Variants in PIK3C2A observed in about 807,000 individuals in gnomAD.
The protein encoded by PIK3C2A is phosphatidylinositol 4-phosphate 3-kinase C2 domain-containing subunit alpha.
PIK3C2A carries 97 observed loss-of-function variants against 204.5 expected under a neutral mutation model. The observed-to-expected ratio is 0.47, with a 90% CI of 0.40 to 0.56. The LOEUF is 0.56. PIK3C2A is among the 20% of genes least tolerant of loss of function. The probability of loss-of-function intolerance (pLI) is 0.00; values close to 1 mark genes in which losing one functional copy is unlikely to be tolerated. For missense variants in PIK3C2A, 1,735 were observed against 1,969.2 expected (o/e 0.88, Z 2.25); for synonymous variants, 653 against 664.4 (o/e 0.98, Z 0.26).
intron 1 of PIK3C2A, among the ~76,000 whole-genome samples, chr11:17,171,372 T>C (rs1431274975): frequency 6.6e-6 from 1 of 152,164 alleles, no homozygotes; most frequent in Non-Finnish European, 1.5e-5. Flanking sequence ...TCTTTCTTTC[T>C]AGCAAACACA....
chr11:17,119,987 T>G lies in PIK3C2A; in HGVS notation c.2658-13A>C, dbSNP rs752285183. ...TTCTTTAGAAAGTCTGCATATATAA[T>G]AGAATTAAATTACTTCTCAGTGATA... On this transcript the variant is annotated splice_polypyrimidine_tract_variant and intron_variant, in intron 15 of 32. Coordinates refer to ENST00000691414, the MANE Select transcript of PIK3C2A (RefSeq NM_002645.4). 8.3e-7 allele frequency: 1 copy of G among 1,209,012 alleles called. No homozygotes were observed. Among genetic ancestry groups the G allele is most frequent in the Admixed American group, 2.2e-5 (1 of 44,794 alleles). The allele number at this position is 1,209,012 out of a possible 1,614,324, so 74.9% of individuals were successfully genotyped here.
chr11:17,089,880 C>T lies in PIK3C2A; in HGVS notation c.4919G>A (p.Arg1640Gln), dbSNP rs370271506. ...ACTGAGTACACTTAGTTGAAGTTCT[C>T]GCTGTCTTAGGGTTTCTTTGCTATA... ...SGYSKETLRQ[R>Q]ELQLSVLSAE... Residue 1640 changes from arginine (R) to glutamine (Q), a missense_variant, in exon 33 of 33, where the codon CGA becomes CAA. Physicochemically the swap from Arg to Gln is conservative, Grantham distance 43. Around this residue, in one of 6 missense-constraint regions of PIK3C2A, gnomAD observed 503 missense variants for 669.0 expected, o/e 0.75. Coordinates refer to ENST00000691414, the MANE Select transcript of PIK3C2A (RefSeq NM_002645.4). 6 of 1,612,982 alleles carry T rather than the reference C, an allele frequency of 3.7e-6. No individual in the cohort carries two copies. The highest frequency in any genetic ancestry group is 2.2e-5 in the East Asian group (1 of 44,862).
Position 17,091,628 on chromosome 11 carries a change from G to A in PIK3C2A, c.4671C>T (p.Gly1557=), listed in dbSNP as rs770066858. 5.6e-6 allele frequency: 9 copies of A among 1,610,750 alleles called. No individual in the cohort carries two copies. The African/African-American group carries it at 1.2e-4, about 22-fold the overall frequency. The change falls in exon 31 of 33, where the codon GGC becomes GGT. Residue 1557 remains glycine, a synonymous_variant. Transcript: ENST00000691414. ...ATAATTTCACAGCTCCTCCTATTTGGCCTGGAGTAGGACTGAAGGAACCTG... is the reference window on the plus strand; with the variant it reads ...ATAATTTCACAGCTCCTCCTATTTGACCTGGAGTAGGACTGAAGGAACCTG... ...ADAGSFSPTP[G]QIGGAVKLSI...
At chr11:17,162,317 G>C (rs1310884239) in intron 2 of PIK3C2A, among the ~76,000 whole-genome samples, 1 of 151,080 alleles carries the variant, frequency 6.6e-6, no homozygotes, top group African/African-American at 2.4e-5. Context: ...CTCCAGCCTG[G>C]GCGACAGAGT....
At chr11:17,172,712 G>A (rs1851218449) in intron 1 of PIK3C2A, among the ~76,000 whole-genome samples, 1 of 152,010 alleles carries the variant, frequency 6.6e-6, no homozygotes, top group African/African-American at 2.4e-5. Flanking sequence ...CCTTTCTAAG[G>A]CGACTTCCTC....
chr11:17,206,934 T>C (rs1003842591), intron 1 of PIK3C2A, among the ~76,000 whole-genome samples: 2 of 152,322 alleles, frequency 1.3e-5, no homozygotes, highest in African/African-American at 4.8e-5. Context: ...TTTCACTTAA[T>C]TCAAACCCCC....
At chr11:17,130,913 G>A (rs903223247) in intron 12 of PIK3C2A, among the ~76,000 whole-genome samples, 4 of 147,500 alleles carry the variant, frequency 2.7e-5, no homozygotes, top group Admixed American at 2.0e-4. Flanking sequence ...TCGGCTAGAC[G>A]CGGTGGCTCA....
Position 17,108,208 on chromosome 11 carries a change from A to G in PIK3C2A, c.3544+2224T>C, listed in dbSNP as rs142562851. Among the ~76,000 whole-genome samples, 183 of 152,328 alleles carry G rather than the reference A, an allele frequency of 1.2e-3. 2 individuals carry two copies. The East Asian group carries it at 0.028, about 23-fold the overall frequency. On this transcript the variant is annotated intron_variant, in intron 22 of 32. Coordinates refer to ENST00000691414, the MANE Select transcript of PIK3C2A (RefSeq NM_002645.4). ...AATTCTAAAAGAGCTGTAACACTCA[A>G]AAATCAGGTTTTAAAACGAACTCAA... is the stretch of plus-strand genomic sequence containing the variant.
At chr11:17,110,904 T>A (rs991703933) in intron 21 of PIK3C2A, among the ~76,000 whole-genome samples, 52 of 152,184 alleles carry the variant, frequency 3.4e-4, no homozygotes, top group African/African-American at 1.2e-3. Context: ...CAATTATTTA[T>A]TTATTTATTT....
intron 26 of PIK3C2A, among the ~76,000 whole-genome samples, chr11:17,098,219 C>T (rs906494641): frequency 6.6e-6 from 1 of 152,188 alleles, no homozygotes; most frequent in Non-Finnish European, 1.5e-5. Context: ...TGTTTGTGTT[C>T]CCTCAAATTC....
chr11:17,156,306 A>C (rs1392692901), intron 2 of PIK3C2A, among the ~76,000 whole-genome samples: 1 of 152,242 alleles, frequency 6.6e-6, no homozygotes, highest in South Asian at 2.1e-4. Context: ...GAACATTCTC[A>C]ATTCAAAATT....
intron 8 of PIK3C2A, among the ~76,000 whole-genome samples, chr11:17,144,894 CAAA>C (rs35069519): frequency 1.2e-3 from 96 of 78,096 alleles, no homozygotes; most frequent in African/African-American, 4.0e-3. Flanking sequence ...GACTCAGCCT[CAAA>C]AAAAAAAAAA....
chr11:17,147,597 G>A lies in PIK3C2A; in HGVS notation c.1480C>T (p.Gln494Ter). Residue 494 changes from glutamine (Q) to a stop codon, truncating the protein, a stop_gained, in exon 6 of 33, where the codon CAA becomes TAA. Transcript: ENST00000691414. LOFTEE classifies it high-confidence loss of function. ...TCTGTGTCCCATTTTCGACAGTTTT[G>A]AATATGCTCATGACTTCCAAGGCAA... is the stretch of plus-strand genomic sequence containing the variant. ...NHCLGSHEHI[Q>*]NCRKWDTEIR... The A allele has an allele frequency of 6.2e-7, 1 of 1,603,284 alleles. No individual in the cohort carries two copies. Among genetic ancestry groups the A allele is most frequent in the Non-Finnish European group, 8.5e-7 (1 of 1,170,236 alleles).
chr11:17,105,924 C>A (rs1004175414), intron 22 of PIK3C2A, among the ~76,000 whole-genome samples: 1 of 151,966 alleles, frequency 6.6e-6, no homozygotes, highest in Non-Finnish European at 1.5e-5. Context: ...GCCTGGCCAA[C>A]ATGGCAAAAC....
chr11:17,161,411 A>T (rs973102272), intron 2 of PIK3C2A, among the ~76,000 whole-genome samples: 2 of 152,192 alleles, frequency 1.3e-5, no homozygotes, highest in Non-Finnish European at 2.9e-5. Context: ...GATATGTTTA[A>T]AATGTTAATA....
Position 17,117,471 on chromosome 11 carries a change from T to C in PIK3C2A, c.3216+20A>G. On this transcript the variant is annotated intron_variant, in intron 19 of 32. Coordinates refer to ENST00000691414, the MANE Select transcript of PIK3C2A (RefSeq NM_002645.4). Reference sequence around the variant, plus strand: ...TCCTTTAACATTAACACATTTATATTACCTTTTATGGGTACATACCTGTCT... The same window carrying C: ...TCCTTTAACATTAACACATTTATATCACCTTTTATGGGTACATACCTGTCT... 2 of 1,552,308 alleles carry C rather than the reference T, an allele frequency of 1.3e-6. No homozygotes were observed. Among genetic ancestry groups the C allele is most frequent in the South Asian group, 2.3e-5 (2 of 88,026 alleles).
Position 17,155,747 on chromosome 11 carries a change from T to C in PIK3C2A, c.1066-118A>G, listed in dbSNP as rs368238793. The C allele has an allele frequency of 5.6e-4, 302 of 541,626 alleles. 5 individuals are homozygous for C. In the South Asian group the frequency reaches 9.3e-3, roughly 17 times the overall value. 33.6% of individuals were successfully genotyped at this position (541,626 alleles called of 1,614,324 possible). A position where few individuals can be genotyped will look rare whatever the true frequency, so the allele number is the denominator to read the frequency against. On this transcript the variant is annotated intron_variant, in intron 2 of 32. Coordinates refer to ENST00000691414, the MANE Select transcript of PIK3C2A (RefSeq NM_002645.4). ...TACAAAGCAATGGAGGTAAAATAAA[T>C]CATATCAATAACAAATTTTTAAATT...
rs368533141 is a variant in PIK3C2A, at chr11:17,091,331, T to C, written c.4878+3A>G. The C allele has an allele frequency of 1.2e-6, 2 of 1,607,178 alleles. No individual in the cohort carries two copies. Among genetic ancestry groups the C allele is most frequent in the Middle Eastern group, 1.7e-4 (1 of 6,024 alleles). On this transcript the variant is annotated splice_donor_region_variant and intron_variant, in intron 32 of 32. Coordinates refer to ENST00000691414, the MANE Select transcript of PIK3C2A (RefSeq NM_002645.4). Reference sequence around the variant, plus strand: ...GAAACTTCTAGAAATGATTTTAACTTACCATTTCATTGAATGTCGGATTCC... The same window carrying C: ...GAAACTTCTAGAAATGATTTTAACTCACCATTTCATTGAATGTCGGATTCC...
At chr11:17,168,026 AAC>A (rs1160524091) in intron 2 of PIK3C2A, among the ~76,000 whole-genome samples, 5 of 151,842 alleles carry the variant, frequency 3.3e-5, no homozygotes, top group Non-Finnish European at 4.4e-5. Flanking sequence ...TTTAAAAAAA[AAC>A]AGGAATAAGG....
Sources: allele counts gnomAD v4.1 joint callset (sites outside exome capture counted in the v4.1 genomes callset), GRCh38; gene constraint gnomAD v4.1.1; regional missense constraint gnomAD v4.1.1; transcripts MANE v1.5; gene names NCBI Gene and HGNC (gene_info 2026-07-23, HGNC 2026-07-21).